Variants in BEND7 observed in about 807,000 individuals in gnomAD.
BEND7 encodes BEN domain containing 7.
BEND7 carries 28 observed loss-of-function variants against 50.9 expected under a neutral mutation model. The ratio of observed to expected loss-of-function variants is 0.55; its 90% CI spans 0.41 to 0.75. The LOEUF (loss-of-function observed/expected upper bound fraction) is 0.75. Among genes scored for constraint, BEND7 ranks in the 30% least tolerant of loss-of-function variants. The pLI is 0.00. For missense variants in BEND7, 477 were observed against 491.3 expected, an observed-to-expected ratio of 0.97 and a Z score of 0.28; for synonymous variants, 170 against 183.9, an observed-to-expected ratio of 0.92 and a Z score of 0.61.
intron 2 of BEND7, among the ~76,000 whole-genome samples, chr10:13,523,479 T>C (rs1443451526): frequency 1.3e-5 from 2 of 152,236 alleles, no homozygotes; most frequent in South Asian, 2.1e-4. Flanking sequence ...TTTGATCTTA[T>C]AGATGCAGAT....
At chr10:13,453,962 A>C (rs971330070) in intron 6 of BEND7, among the ~76,000 whole-genome samples, 2 of 152,250 alleles carry the variant, frequency 1.3e-5, no homozygotes, top group African/African-American at 4.8e-5. Context: ...TGTGATCTCT[A>C]CTGTCAAACA....
chr10:13,495,770 C>T (rs1000535787), intron 4 of BEND7, among the ~76,000 whole-genome samples: 5 of 152,206 alleles, frequency 3.3e-5, no homozygotes, highest in African/African-American at 1.2e-4. Flanking sequence ...AAAACCACAT[C>T]ACTGAATATT....
In BEND7 at chr10:13,480,933, T is replaced by C. The variant is rs1297790494; in HGVS notation, c.1029A>G (p.Lys343=). ...CACCCACAATATTTTGGTCTAGTCC[T>C]TTCCGGTTGTCATTGAGTCCTCTTT... is the stretch of plus-strand genomic sequence containing the variant. The part of the protein sequence containing the change: ...KRKRGLNDNR[K]GLDQNIVGAI... Residue 343 remains lysine (K), a synonymous_variant, in exon 6 of 9, where the codon AAA becomes AAG. Transcript: ENST00000466271. 11 of 1,614,084 alleles carry C rather than the reference T, an allele frequency of 6.8e-6. No individual in the cohort carries two copies. Among genetic ancestry groups the C allele is most frequent in the Non-Finnish European group, 9.3e-6 (11 of 1,180,036 alleles).
intron 6 of BEND7, among the ~76,000 whole-genome samples, chr10:13,453,377 T>C (rs553391221): frequency 6.6e-6 from 1 of 152,152 alleles, no homozygotes; most frequent in Non-Finnish European, 1.5e-5. Flanking sequence ...CAACTTGTCC[T>C]TCGTAAGGTC....
chr10:13,527,863 T>C (rs900662012), intron 1 of BEND7: 4 of 982,958 alleles, frequency 4.1e-6, no homozygotes, highest in Non-Finnish European at 4.8e-6. Context: ...CGTCAGAAAC[T>C]AGATGGATTT....
chr10:13,489,398 G>GAACCCGC (rs2076484624), intron 5 of BEND7, among the ~76,000 whole-genome samples: 1 of 152,176 alleles, frequency 6.6e-6, no homozygotes, highest in African/African-American at 2.4e-5. Flanking sequence ...CATTGGGCTA[G>GAACCCGC]AATGGGCACC....
At chr10:13,468,118 T>C (rs34721515) in intron 6 of BEND7, among the ~76,000 whole-genome samples, 14,901 of 152,196 alleles carry the variant, frequency 0.098, 765 homozygotes, top group Middle Eastern at 0.13. Context: ...AGTGTCCCAG[T>C]GTGCGCAGTA....
At chr10:13,502,925 T>A in intron 2 of BEND7, 1 of 985,392 alleles carries the variant, frequency 1.0e-6, no homozygotes, top group Non-Finnish European at 1.2e-6. Context: ...GGAGAAGGGA[T>A]GTGTCTCCTG....
intron 2 of BEND7, among the ~76,000 whole-genome samples, chr10:13,521,165 A>C (rs1186954124): frequency 6.6e-6 from 1 of 152,094 alleles, no homozygotes; most frequent in Non-Finnish European, 1.5e-5. Context: ...TTTTTCAAGC[A>C]GCTCTGCTCC....
intron 5 of BEND7, among the ~76,000 whole-genome samples, chr10:13,483,943 C>T (rs2131802409): frequency 6.6e-6 from 1 of 152,278 alleles, no homozygotes; most frequent in Non-Finnish European, 1.5e-5. Flanking sequence ...TCTGCCACAA[C>T]TCCTAACAAC....
At position 13,492,860 on chromosome 10, in the gene BEND7, T is replaced by TC; in HGVS notation, c.587dup (p.Gln197ThrfsTer21). The TC allele has an allele frequency of 6.3e-7, 1 of 1,599,864 alleles. No individual in the cohort carries two copies. The highest frequency in any genetic ancestry group is 8.5e-7 in the Non-Finnish European group (1 of 1,176,896). ...ATATAAGGGAAATTGGAGGTTGTTG[T>TC]CTGTTTTGAGTTCCAACTGCGAATA... On this transcript the variant is annotated frameshift_variant, in exon 5 of 9. Coordinates refer to ENST00000466271, the MANE Select transcript of BEND7 (RefSeq NM_001369863.1). LOFTEE classifies it high-confidence loss of function.
intron 6 of BEND7, among the ~76,000 whole-genome samples, chr10:13,473,489 G>A (rs1473211921): frequency 2.1e-5 from 3 of 143,566 alleles, no homozygotes; most frequent in East Asian, 4.2e-4. Flanking sequence ...GTTGATATCT[G>A]TCATCGCTGT....
chr10:13,473,112 C>T (rs1439825015), intron 6 of BEND7, among the ~76,000 whole-genome samples: 1 of 151,584 alleles, frequency 6.6e-6, no homozygotes, highest in African/African-American at 2.4e-5. Flanking sequence ...GATTTGGGGT[C>T]AATAACCATC....
chr10:13,460,005 G>A (rs1588697549), intron 6 of BEND7: 1 of 152,214 alleles, frequency 6.6e-6, no homozygotes. Flanking sequence ...GACCTAAGGG[G>A]AGCCAAGCCG....
downstream of BEND7, chr10:13,439,489 C>T (rs753114523): frequency 1.7e-5 from 27 of 1,599,190 alleles, no homozygotes; most frequent in South Asian, 2.7e-4. Flanking sequence ...CAGGGCCCAC[C>T]ACAAGCACCT....
intron 6 of BEND7, among the ~76,000 whole-genome samples, chr10:13,480,362 C>T (rs924171611): frequency 2.6e-5 from 4 of 152,084 alleles, no homozygotes; most frequent in African/African-American, 4.8e-5. Context: ...CATGACTCCA[C>T]GGCACAAAAC....
At chr10:13,440,680 G>A (rs919781511), downstream of BEND7, among the ~76,000 whole-genome samples, 2 of 152,254 alleles carry the variant, frequency 1.3e-5, no homozygotes, top group African/African-American at 2.4e-5. Flanking sequence ...GAGGGGAAGC[G>A]AGCGATTCTG....
At chr10:13,485,743 C>A (rs2076180625) in intron 5 of BEND7, among the ~76,000 whole-genome samples, 1 of 152,162 alleles carries the variant, frequency 6.6e-6, no homozygotes. Context: ...AAAACACAAA[C>A]CTCCCCCATA....
At chr10:13,438,963 G>A (rs1399601788), downstream of BEND7, 1 of 550,804 alleles carries the variant, frequency 1.8e-6, no homozygotes, top group South Asian at 2.2e-5. Flanking sequence ...GGGAGGCCAG[G>A]ACTCACTGTC....
Sources: gnomAD v4.1 joint callset for allele counts (sites outside exome capture counted in the v4.1 genomes callset) on GRCh38, gnomAD v4.1.1 for gene constraint, MANE v1.5 for transcripts, NCBI Gene and HGNC (gene_info 2026-07-23, HGNC 2026-07-21) for gene names.